Variants in GRK5 observed in about 807,000 individuals in gnomAD.
GRK5 encodes the protein G protein-coupled receptor kinase 5, also known as g protein-coupled receptor kinase GRK5.
In GRK5, 40 loss-of-function variants were observed where a neutral mutation model predicts 78.4. The ratio of observed to expected loss-of-function variants is 0.51; its 90% CI spans 0.40 to 0.66. The LOEUF is 0.66. GRK5 is among the 30% of genes least tolerant of loss of function. The pLI, the probability that GRK5 is intolerant of heterozygous loss-of-function variation, is 0.00. For synonymous variants in GRK5, 289 were observed against 296.8 expected, an observed-to-expected ratio of 0.97 and a Z score of 0.27; for missense variants, 598 against 759.9, an observed-to-expected ratio of 0.79 and a Z score of 2.50.
rs1205922517 is a variant in GRK5, at chr10:119,235,302, GAA to G, written c.52+27334_52+27335del. Among the ~76,000 whole-genome samples, 4 of 152,294 alleles carry G rather than the reference GAA, an allele frequency of 2.6e-5. 1 individual carries two copies. In the South Asian group the frequency reaches 8.3e-4, roughly 32 times the overall value. The stretch of plus-strand genomic sequence containing the variant: ...CAGGAGGGGGAACAAGGTGGACAGA[GAA>G]TAATAGCAACTTGATTTGCCTATTA... On this transcript the variant is annotated intron_variant, in intron 1 of 15. Transcript: ENST00000392870.
intron 2 of GRK5, among the ~76,000 whole-genome samples, chr10:119,338,377 A>G (rs1007739247): frequency 2.1e-4 from 32 of 152,244 alleles, no homozygotes; most frequent in African/African-American, 7.7e-4. Flanking sequence ...ACAGAAAATT[A>G]TAAGGAAAGA....
At chr10:119,222,360 G>A (rs773005195) in intron 1 of GRK5, among the ~76,000 whole-genome samples, 3 of 151,968 alleles carry the variant, frequency 2.0e-5, no homozygotes, top group Admixed American at 1.3e-4. Flanking sequence ...AGGAAGGGAC[G>A]CCCCTTCCTA....
intron 10 of GRK5, 49 bp from the exon 11 acceptor site, chr10:119,441,950 T>C (rs1289638347): frequency 6.8e-7 from 1 of 1,467,992 alleles, no homozygotes. Flanking sequence ...CAAGGCCGGG[T>C]GCCCATGCGG....
intron 15 of GRK5, 147 bp downstream of exon 15, chr10:119,453,423 C>A: frequency 1.1e-6 from 1 of 900,830 alleles, no homozygotes; most frequent in Non-Finnish European, 1.7e-6. Flanking sequence ...CTGATTATGT[C>A]CAAGGCCCCT....
intron 1 of GRK5, among the ~76,000 whole-genome samples, chr10:119,317,122 T>C (rs1850499892): frequency 6.6e-6 from 1 of 152,182 alleles, no homozygotes; most frequent in African/African-American, 2.4e-5. Flanking sequence ...TTGGGGCCTA[T>C]GCAAAGACGT....
intron 1 of GRK5, among the ~76,000 whole-genome samples, chr10:119,282,243 T>C (rs1849774620): frequency 6.6e-6 from 1 of 152,200 alleles, no homozygotes; most frequent in African/African-American, 2.4e-5. Context: ...CTGGGCTGTC[T>C]CTTTCACAGT....
chr10:119,297,686 T>TCTTGCCCCCTCTTGCC (rs1421490429), intron 1 of GRK5, among the ~76,000 whole-genome samples: 26 of 152,332 alleles, frequency 1.7e-4, no homozygotes, highest in African/African-American at 5.5e-4. Context: ...GCTCTCTTGC[T>TCTTGCCCCCTCTTGCC]CTTGCCCCCT....
intron 1 of GRK5, among the ~76,000 whole-genome samples, chr10:119,279,594 G>A (rs564644218): frequency 9.6e-4 from 146 of 152,366 alleles, no homozygotes; most frequent in Middle Eastern, 3.4e-3. Context: ...TGTTGATGGT[G>A]TGTCCTTCAA....
rs531984447 is a variant in GRK5, at chr10:119,295,590, G to GAT, written c.53-30913_53-30912dup. The stretch of plus-strand genomic sequence containing the variant: ...ATCAATGAGTAGATAAAGAAACTGA[G>GAT]ATATATATATATATGATGGAATACT... On this transcript the variant is annotated intron_variant, in intron 1 of 15. Coordinates refer to ENST00000392870, the MANE Select transcript of GRK5 (RefSeq NM_005308.3). 3.5e-3 allele frequency among the ~76,000 whole-genome samples: 526 copies of GAT among 151,260 alleles called. 1 individual carries two copies. Among genetic ancestry groups the GAT allele is most frequent in the African/African-American group, 7.7e-3 (318 of 41,218 alleles).
At chr10:119,216,724 G>C (rs1471501193) in intron 1 of GRK5, among the ~76,000 whole-genome samples, 1 of 152,338 alleles carries the variant, frequency 6.6e-6, no homozygotes, top group Non-Finnish European at 1.5e-5. Flanking sequence ...AGGCCAAGGT[G>C]TGTGGATCAC....
chr10:119,426,999 ACAGCATCACAGCCATCAG>A (rs1397459117), intron 6 of GRK5, among the ~76,000 whole-genome samples: 64 of 82,614 alleles, frequency 7.7e-4, no homozygotes, highest in East Asian at 3.3e-3. Flanking sequence ...ACCACCATCA[ACAGCATCACAGCCATCAG>A]CAGCATCACA....
At chr10:119,441,402 G>A (rs1853032692) in intron 10 of GRK5, among the ~76,000 whole-genome samples, 1 of 152,246 alleles carries the variant, frequency 6.6e-6, no homozygotes, top group Middle Eastern at 3.2e-3. Flanking sequence ...GGCTGTGGGA[G>A]GGACAAAGAC....
intron 2 of GRK5, among the ~76,000 whole-genome samples, chr10:119,376,688 C>A (rs553814838): frequency 6.6e-6 from 1 of 151,962 alleles, no homozygotes; most frequent in South Asian, 2.1e-4. Context: ...CCTCAGCCTC[C>A]CAAGTAGCTG....
chr10:119,417,863 T>C lies in GRK5; in HGVS notation c.340-5303T>C, dbSNP rs552476130. On this transcript the variant is annotated intron_variant, in intron 4 of 15. Coordinates refer to ENST00000392870, the MANE Select transcript of GRK5 (RefSeq NM_005308.3). ...ATGTTCCAAGTGATGGGAAGAGCTT[T>C]TCTCCGTGCCCTGTGGTGCCCAGAA... Among the ~76,000 whole-genome samples the C allele has an allele frequency of 3.9e-5, 6 of 152,280 alleles. No individual in the cohort carries two copies. In the East Asian group the frequency reaches 1.2e-3, roughly 29 times the overall value.
rs183452910 is a variant in GRK5 at position 119,403,197 on chromosome 10, C to T, written c.339+6425C>T. Among the ~76,000 whole-genome samples the T allele has an allele frequency of 7.3e-3, 1,106 of 152,144 alleles. 14 individuals are homozygous for T. Among genetic ancestry groups the T allele is most frequent in the Middle Eastern group, 0.024 (7 of 294 alleles). ...TTCTTTTTTTTTTGAGACGGAGTCT[C>T]GCTCTGTCCCCCAGGCTGGAGTGCA... is the stretch of plus-strand genomic sequence containing the variant. On this transcript the variant is annotated intron_variant, in intron 4 of 15. Transcript: ENST00000392870.
intron 1 of GRK5, among the ~76,000 whole-genome samples, chr10:119,230,090 A>G (rs571219111): frequency 6.6e-6 from 1 of 152,136 alleles, no homozygotes; most frequent in Admixed American, 6.5e-5. Context: ...TGGAGCCTGG[A>G]GTAGTTGTGG....
intron 1 of GRK5, among the ~76,000 whole-genome samples, chr10:119,249,816 A>G (rs2133751859): frequency 6.6e-6 from 1 of 152,314 alleles, no homozygotes; most frequent in East Asian, 1.9e-4. Flanking sequence ...TGAACTTTTT[A>G]AATGCTCAAA....
rs867150871 is a variant in GRK5, at chr10:119,345,901, G to T, written c.148+19290G>T. 3.3e-5 allele frequency among the ~76,000 whole-genome samples: 5 copies of T among 151,278 alleles called. No individual in the cohort carries two copies. In the South Asian group the frequency reaches 1.0e-3, roughly 32 times the overall value. Reference sequence around the variant, plus strand: ...AAAACAGATTTTCTTCTTGCTTCTAGGTCTTTGGTACAGCTGCATCCTCTG... The same window carrying T: ...AAAACAGATTTTCTTCTTGCTTCTATGTCTTTGGTACAGCTGCATCCTCTG... On this transcript the variant is annotated intron_variant, in intron 2 of 15. Transcript: ENST00000392870.
At chr10:119,261,356 G>A (rs1377232077) in intron 1 of GRK5, among the ~76,000 whole-genome samples, 34 of 147,644 alleles carry the variant, frequency 2.3e-4, no homozygotes, top group African/African-American at 7.3e-4. Context: ...CCGGGAAGAG[G>A]CGCTCCTCAC....
Sources: allele counts gnomAD v4.1 joint callset (sites outside exome capture counted in the v4.1 genomes callset), GRCh38; gene constraint gnomAD v4.1.1; transcripts MANE v1.5; gene names NCBI Gene and HGNC (gene_info 2026-07-23, HGNC 2026-07-21).